MTOR: variants seen among roughly 807,000 people sequenced by gnomAD.
MTOR encodes the protein serine/threonine-protein kinase mTOR.
A neutral mutation model predicts 319.8 loss-of-function variants in MTOR; 70 were observed. The observed-to-expected ratio is 0.22, with a 90% CI of 0.18 to 0.27. The LOEUF (loss-of-function observed/expected upper bound fraction) is 0.27, where lower values mean the gene tolerates loss of function less well. MTOR is among the 10% of genes least tolerant of loss of function. The pLI, the probability that MTOR is intolerant of heterozygous loss-of-function variation, is 1.00. For synonymous variants in MTOR, 1,183 were observed against 1,211.4 expected, an observed-to-expected ratio of 0.98 and a Z score of 0.49; for missense variants, 1,890 against 3,274.4, an observed-to-expected ratio of 0.58 and a Z score of 10.32.
At chr1:11,192,748 T>TA (rs56996673) in intron 28 of MTOR, among the ~76,000 whole-genome samples, 1,837 of 119,212 alleles carry the variant, frequency 0.015, 32 homozygotes, top group African/African-American at 0.037. Flanking sequence ...CCATTTCAAT[T>TA]AAAAAAAAAA....
intron 11 of MTOR, 106 bp downstream of exon 11, chr1:11,240,197 G>C (rs1647823798): frequency 3.5e-6 from 5 of 1,431,012 alleles, no homozygotes; most frequent in Non-Finnish European, 4.7e-6. Context: ...CAGCTACCCT[G>C]TCTTTAGCAC....
At chr1:11,214,988 C>G (rs948429477) in intron 20 of MTOR, among the ~76,000 whole-genome samples, 6 of 152,134 alleles carry the variant, frequency 3.9e-5, no homozygotes, top group Non-Finnish European at 7.4e-5. Flanking sequence ...TTCCCAGGCT[C>G]GGGGGAGCTC....
rs777643299 is a variant in MTOR, at chr1:11,216,242, G to C, written c.3031-8C>G. 7 of 1,611,746 alleles carry C rather than the reference G, an allele frequency of 4.3e-6. No homozygotes were observed. Among genetic ancestry groups the C allele is most frequent in the Non-Finnish European group, 5.9e-6 (7 of 1,177,936 alleles). On this transcript the variant is annotated splice_region_variant and splice_polypyrimidine_tract_variant and intron_variant, in intron 19 of 57. Coordinates refer to ENST00000361445, the MANE Select transcript of MTOR (RefSeq NM_004958.4). ...CAGCTGCTGGAACAAAAACTGAAAT[G>C]GACAAGAGGTCAACCAGCTGGTATC... is the stretch of plus-strand genomic sequence containing the variant.
chr1:11,109,113 C>T lies in MTOR; in HGVS notation c.7528+177G>A, dbSNP rs772165910. ...ACTAACATTAAGTACTGTTATCAGTCATCAGAAAGAAGAATCAGAGACAAT... is the reference window on the plus strand; with the variant it reads ...ACTAACATTAAGTACTGTTATCAGTTATCAGAAAGAAGAATCAGAGACAAT... On this transcript the variant is annotated intron_variant, in intron 56 of 57. Transcript: ENST00000361445. This position sits in a 1 kb window ranked among gnomAD's most constrained non-coding sequence, Gnocchi z 4.0. Among the ~76,000 whole-genome samples, 30 of 152,218 alleles carry T rather than the reference C, an allele frequency of 2.0e-4. No homozygotes were observed. The highest frequency in any genetic ancestry group is 3.5e-4 in the Non-Finnish European group (24 of 68,032).
chr1:11,227,807 G>A (rs1646894410), intron 19 of MTOR, among the ~76,000 whole-genome samples: 1 of 152,146 alleles, frequency 6.6e-6, no homozygotes, highest in Admixed American at 6.5e-5. Flanking sequence ...GATTATCAAC[G>A]GATGCTAAAA....
At chr1:11,206,032 A>T (rs1194297569) in intron 25 of MTOR, among the ~76,000 whole-genome samples, 1 of 152,242 alleles carries the variant, frequency 6.6e-6, no homozygotes, top group African/African-American at 2.4e-5. Context: ...TCAAAAACCG[A>T]AGCAGAAATG....
In MTOR at chr1:11,126,648, T is replaced by C; in HGVS notation, c.6500A>G (p.Gln2167Arg). The C allele has an allele frequency of 6.2e-7, 1 of 1,613,992 alleles. No homozygotes were observed. Among genetic ancestry groups the C allele is most frequent in the Non-Finnish European group, 8.5e-7 (1 of 1,179,998 alleles). Residue 2167 changes from glutamine to arginine, a missense_variant, in exon 46 of 58, where the codon CAG (glutamine) becomes CGG (arginine). This residue lies in a region of MTOR where 249 missense variants were observed against 596.2 expected (regional missense o/e 0.42). Coordinates refer to ENST00000361445, the MANE Select transcript of MTOR (RefSeq NM_004958.4). Reference protein sequence around the residue: ...APSLQVITSKQRPRKLTLMGS... With the variant: ...APSLQVITSKRRPRKLTLMGS... ...CATAAGTGTCAATTTCCGGGGCCTC[T>C]GCTTGGATGTGATGACTTGCAAAGA...
intron 14 of MTOR, 60 bp from the exon 15 acceptor site, chr1:11,233,547 T>G (rs775393402): frequency 1.5e-5 from 20 of 1,341,134 alleles, no homozygotes; most frequent in Non-Finnish European, 2.0e-5. Context: ...AACCTTTCTT[T>G]TATATAAGTA....
At chr1:11,114,195 A>C (rs956504309) in intron 53 of MTOR, 123 bp downstream of exon 53, 3 of 1,194,336 alleles carry the variant, frequency 2.5e-6, no homozygotes, top group Non-Finnish European at 3.5e-6. Flanking sequence ...GGGTCTTACT[A>C]TGTTGCCCAG....
At chr1:11,195,739 C>T (rs1025302766) in intron 28 of MTOR, 3 of 152,578 alleles carry the variant, frequency 2.0e-5, no homozygotes, top group African/African-American at 7.2e-5. Flanking sequence ...ACAAAACTGC[C>T]TTAAAATATT....
chr1:11,127,850 A>G lies in MTOR; in HGVS notation c.6034-44T>C, dbSNP rs1642920057. 6.3e-7 allele frequency: 1 copy of G among 1,595,622 alleles called. No homozygotes were observed. The highest frequency in any genetic ancestry group is 8.5e-7 in the Non-Finnish European group (1 of 1,170,494). On this transcript the variant is annotated intron_variant, in intron 43 of 57. Transcript: ENST00000361445. This position sits in a 1 kb window ranked among gnomAD's most constrained non-coding sequence, Gnocchi z 5.5. ...GGAGAGAAGCATCAAGAATCAGCTA[A>G]CCTCAGAAAGGTCTGTTTTGGAGAC... is the stretch of plus-strand genomic sequence containing the variant.
chr1:11,107,872 C>A (rs1641654585), intron 57 of MTOR, among the ~76,000 whole-genome samples: 1 of 152,210 alleles, frequency 6.6e-6, no homozygotes, highest in South Asian at 2.1e-4. Context: ...TGTATCTCTG[C>A]ACTGGACTGA....
At chr1:11,262,027 C>T (rs1651202887) in intron 1 of MTOR, among the ~76,000 whole-genome samples, 1 of 152,172 alleles carries the variant, frequency 6.6e-6, no homozygotes, top group Non-Finnish European at 1.5e-5. Context: ...AACGATGTAA[C>T]CAAGCTCAGT....
Position 11,232,523 on chromosome 1 carries a change from A to G in MTOR, c.2427T>C (p.Ser809=), listed in dbSNP as rs1647053404. 1 of 1,612,550 alleles carries G rather than the reference A, an allele frequency of 6.2e-7. No homozygotes were observed. Among genetic ancestry groups the G allele is most frequent in the South Asian group, 1.1e-5 (1 of 91,032 alleles). ...LATIGELAQV[S]GLEMRKWVDE... ...CAACCCATTTCCTCATTTCCAGGCC[A>G]CTAACCTGCAAAATGAAAAAGAGGG... Residue 809 remains serine (S), a synonymous_variant, in exon 16 of 58, where the codon AGT becomes AGC. Coordinates refer to ENST00000361445, the MANE Select transcript of MTOR (RefSeq NM_004958.4).
At position 11,238,598 on chromosome 1, in the gene MTOR, A is replaced by G. The variant is rs985014515; in HGVS notation, c.1806T>C (p.Phe602=). The change falls in exon 12 of 58, where the codon TTT becomes TTC. Residue 602 remains phenylalanine (F), a synonymous_variant. Transcript: ENST00000361445. ...GGAAATGATCCGCACAGTGGCGAAC[A>G]AATTGGGTCAGAGAGTGGCCTGGAT... is the stretch of plus-strand genomic sequence containing the variant. ...FEFEGHSLTQ[F]VRHCADHFLN... 6.2e-7 allele frequency: 1 copy of G among 1,612,338 alleles called. No homozygotes were observed. Among genetic ancestry groups the G allele is most frequent in the Admixed American group, 1.7e-5 (1 of 59,940 alleles).
At chr1:11,198,693 T>C (rs1645865423) in intron 28 of MTOR, among the ~76,000 whole-genome samples, 2 of 152,190 alleles carry the variant, frequency 1.3e-5, no homozygotes, top group South Asian at 4.1e-4. Flanking sequence ...AGAAAATTTA[T>C]TAAACGAACT....
At chr1:11,154,096 A>AAAAAAAAAAAAAC in intron 30 of MTOR, among the ~76,000 whole-genome samples, 1 of 145,826 alleles carries the variant, frequency 6.9e-6, no homozygotes, top group Non-Finnish European at 1.5e-5. Context: ...AAAAAAAAAA[A>AAAAAAAAAAAAAC]AAAAAAAGCC....
intron 1 of MTOR, among the ~76,000 whole-genome samples, chr1:11,261,727 G>A (rs1651160875): frequency 6.6e-6 from 1 of 151,968 alleles, no homozygotes; most frequent in African/African-American, 2.4e-5. Flanking sequence ...CATCCTTTAG[G>A]GGAGAAGAAA....
intron 28 of MTOR, among the ~76,000 whole-genome samples, chr1:11,173,413 C>G (rs1644885209): frequency 6.6e-6 from 1 of 151,956 alleles, no homozygotes; most frequent in Admixed American, 6.6e-5. Context: ...ACCTCAGCCT[C>G]TCAAAGGCCT....
Sources: allele counts gnomAD v4.1 joint callset (sites outside exome capture counted in the v4.1 genomes callset), GRCh38; gene constraint gnomAD v4.1.1; regional missense constraint gnomAD v4.1.1; non-coding constraint Gnocchi (gnomAD v3.1); transcripts MANE v1.5; gene names NCBI Gene and HGNC (gene_info 2026-07-23, HGNC 2026-07-21).